The following RGSL1 variants were observed in gnomAD, a reference collection of about 807,000 sequenced individuals.
RGSL1 encodes the protein regulator of G protein signaling like 1.
RGSL1 carries 97 observed loss-of-function variants against 124.7 expected under a neutral mutation model. The observed-to-expected ratio is 0.78, with a 90% CI of 0.66 to 0.92. The LOEUF is 0.92. Ranked by LOEUF, RGSL1 falls within the 40% of genes least tolerant of loss-of-function variation. RGSL1 has a pLI of 0.00. For synonymous variants in RGSL1, 424 were observed against 438.1 expected, an observed-to-expected ratio of 0.97 and a Z score of 0.40; for missense variants, 1,233 against 1,288.4, an observed-to-expected ratio of 0.96 and a Z score of 0.66.
intron 14 of RGSL1, among the ~76,000 whole-genome samples, chr1:182,538,413 A>T (rs1659681590): frequency 6.6e-6 from 1 of 152,096 alleles, no homozygotes; most frequent in Admixed American, 6.5e-5. Flanking sequence ...CTGTAATCCC[A>T]GCTACTCAGG....
Position 182,488,289 on chromosome 1 carries a change from T to A in RGSL1, c.1436T>A (p.Leu479His), listed in dbSNP as rs1369553913. 2 of 1,552,228 alleles carry A rather than the reference T, an allele frequency of 1.3e-6. No individual in the cohort carries two copies. The highest frequency in any genetic ancestry group is 1.7e-6 in the Non-Finnish European group (2 of 1,147,086). ...PKAQKEICKM[L>H]SPWYDEFLDE... is the part of the protein sequence containing the mutation. The stretch of plus-strand genomic sequence containing the variant: ...TATGCTGTGTTTGGTTTTCAGATGC[T>A]CAGTCCCTGGTATGATGAGTTTCTA... The change falls in exon 7 of 22, where the codon CTC (leucine) becomes CAC (histidine). Residue 479 changes from leucine (L) to histidine (H), a missense_variant. Coordinates refer to ENST00000294854, the MANE Select transcript of RGSL1 (RefSeq NM_001137669.2).
intron 8 of RGSL1, among the ~76,000 whole-genome samples, chr1:182,492,219 G>A (rs185912909): frequency 3.9e-4 from 59 of 152,154 alleles, no homozygotes; most frequent in Non-Finnish European, 8.1e-4. Context: ...TGCATTTGTA[G>A]TTGTGGTCTC....
At chr1:182,515,562 C>CG (rs1558356317) in intron 9 of RGSL1, among the ~76,000 whole-genome samples, 1 of 20,104 alleles carries the variant, frequency 5.0e-5, no homozygotes, top group Admixed American at 5.0e-4. Flanking sequence ...AAGGGGGGGG[C>CG]GGGGTGGAGG....
In RGSL1 at chr1:182,527,672, C is replaced by G; in HGVS notation, c.2025C>G (p.Leu675=). The G allele has an allele frequency of 1.3e-6, 2 of 1,551,440 alleles. No homozygotes were observed. Among genetic ancestry groups the G allele is most frequent in the Non-Finnish European group, 1.7e-6 (2 of 1,146,704 alleles). Residue 675 remains leucine, a synonymous_variant, in exon 11 of 22, where the codon CTC becomes CTG. Coordinates refer to ENST00000294854, the MANE Select transcript of RGSL1 (RefSeq NM_001137669.2). ...ERKAKIPLQF[L]TAVQKISIET... Reference sequence around the variant, plus strand: ...AGGCTAAAATCCCATTGCAATTTCTCACAGCTGTACAGAAGATCAGTATAG... The same window carrying G: ...AGGCTAAAATCCCATTGCAATTTCTGACAGCTGTACAGAAGATCAGTATAG...
intron 4 of RGSL1, among the ~76,000 whole-genome samples, chr1:182,465,049 C>T (rs1653171032): frequency 6.8e-6 from 1 of 147,236 alleles, no homozygotes; most frequent in African/African-American, 2.7e-5. Context: ...TGCACTCCAG[C>T]CTAGGTAACA....
chr1:182,523,570 A>G (rs926498915), intron 10 of RGSL1, among the ~76,000 whole-genome samples: 2 of 152,214 alleles, frequency 1.3e-5, no homozygotes, highest in African/African-American at 2.4e-5. Context: ...TAAATCACAT[A>G]TCTGTAAGAT....
intron 6 of RGSL1, among the ~76,000 whole-genome samples, chr1:182,480,607 C>G (rs554464823): frequency 2.6e-5 from 4 of 152,158 alleles, no homozygotes; most frequent in South Asian, 2.1e-4. Context: ...AGGCGCCCAC[C>G]ACCATGCCCA....
At chr1:182,538,909 A>G (rs4571931) in intron 14 of RGSL1, among the ~76,000 whole-genome samples, 79,027 of 151,474 alleles carry the variant, frequency 0.52, 20,779 homozygotes, top group Non-Finnish European at 0.55. Flanking sequence ...AATAGTAGAT[A>G]CATTTGAAAT....
intron 9 of RGSL1, among the ~76,000 whole-genome samples, chr1:182,499,550 C>G (rs1656194749): frequency 6.6e-6 from 1 of 152,074 alleles, no homozygotes; most frequent in Non-Finnish European, 1.5e-5. Flanking sequence ...CATCTCTTTA[C>G]TTTGAGCCTG....
chr1:182,515,684 G>A (rs969296969), intron 9 of RGSL1, among the ~76,000 whole-genome samples: 1 of 152,178 alleles, frequency 6.6e-6, no homozygotes, highest in Non-Finnish European at 1.5e-5. Flanking sequence ...TGGCTCCGCC[G>A]GCACGGCAAA....
intron 9 of RGSL1, among the ~76,000 whole-genome samples, chr1:182,497,228 AAGATAGAT>A (rs66530449): frequency 1.6e-4 from 24 of 146,780 alleles, no homozygotes; most frequent in South Asian, 6.5e-4. Flanking sequence ...AAGAGATAGA[AAGATAGAT>A]AGATAGATAG....
At chr1:182,550,941 C>T (rs1660520837) in intron 17 of RGSL1, 159 bp from the exon 18 acceptor site, 9 of 611,748 alleles carry the variant, frequency 1.5e-5, no homozygotes. Flanking sequence ...GAACAAAGGC[C>T]ACTGGCAGGT....
rs1443693712 is a variant in RGSL1 at position 182,489,064 on chromosome 1, C to A, written c.1579C>A (p.Gln527Lys). 8.4e-6 allele frequency: 13 copies of A among 1,551,594 alleles called. No homozygotes were observed. The South Asian group carries it at 1.4e-4, about 17-fold the overall frequency. The change falls in exon 8 of 22, where the codon CAG becomes AAG. Residue 527 changes from glutamine (Q) to lysine (K), a missense_variant. Coordinates refer to ENST00000294854, the MANE Select transcript of RGSL1 (RefSeq NM_001137669.2). ...EENILLYKRI[Q>K]QSLELSQALA... The stretch of plus-strand genomic sequence containing the variant: ...GAACATTCTTCTTTATAAGAGGATT[C>A]AGCAGTCTCTAGAGTTAAGCCAGGC...
At chr1:182,538,732 C>T (rs1483259548) in intron 14 of RGSL1, among the ~76,000 whole-genome samples, 2 of 151,986 alleles carry the variant, frequency 1.3e-5, no homozygotes, top group Non-Finnish European at 2.9e-5. Flanking sequence ...ATGCCAACCC[C>T]GTACTTGTAA....
At chr1:182,501,782 C>T (rs925303147) in intron 9 of RGSL1, among the ~76,000 whole-genome samples, 26 of 152,136 alleles carry the variant, frequency 1.7e-4, no homozygotes, top group Admixed American at 2.0e-4. Flanking sequence ...AGTTAGGAAG[C>T]ATCTCCTCCT....
intron 3 of RGSL1, among the ~76,000 whole-genome samples, 167 bp from the exon 4 acceptor site, chr1:182,459,837 T>C (rs1652662134): frequency 6.6e-6 from 1 of 152,248 alleles, no homozygotes; most frequent in African/African-American, 2.4e-5. Context: ...TACTTCTTTT[T>C]CTTAAGTCCA....
chr1:182,510,694 G>C lies in RGSL1; in HGVS notation c.1826-11310G>C, dbSNP rs74751948. ...AGGGAGAGGGAGAGGGAGAGGGAGA[G>C]GGAGAGGGAGAGGCCTATTGACTAT... On this transcript the variant is annotated intron_variant, in intron 9 of 21. Coordinates refer to ENST00000294854, the MANE Select transcript of RGSL1 (RefSeq NM_001137669.2). Among the ~76,000 whole-genome samples, 6 of 10,670 alleles carry C rather than the reference G, an allele frequency of 5.6e-4. 2 individuals carry two copies. Among genetic ancestry groups the C allele is most frequent in the African/African-American group, 1.5e-3 (6 of 4,116 alleles). The allele number at this position is 10,670 out of a possible 152,430, so 7.0% of individuals were successfully genotyped here. A position where few individuals can be genotyped will look rare whatever the true frequency, so the allele number is the denominator to read the frequency against.
chr1:182,460,234 G>A lies in RGSL1; in HGVS notation c.301+101G>A, dbSNP rs544034161. The A allele has an allele frequency of 8.4e-4, 1,144 of 1,369,696 alleles. 7 individuals carry two copies. The highest frequency in any genetic ancestry group is 5.7e-3 in the Middle Eastern group (22 of 3,892). The allele number at this position is 1,369,696 out of a possible 1,614,324, so 84.8% of individuals were successfully genotyped here. A position where few individuals can be genotyped will look rare whatever the true frequency, so the allele number is the denominator to read the frequency against. ...ATAATAATCTTATGCCTGTATGTGT[G>A]TGTGTGTGTGTGTAGAAATATAGGA... On this transcript the variant is annotated intron_variant, in intron 4 of 21. Transcript: ENST00000294854.
At chr1:182,463,487 A>T (rs1429725912) in intron 4 of RGSL1, among the ~76,000 whole-genome samples, 3 of 152,166 alleles carry the variant, frequency 2.0e-5, no homozygotes, top group African/African-American at 7.2e-5. Flanking sequence ...AATAGTAACC[A>T]AAAGAAAGCA....
Sources: gnomAD v4.1 joint callset for allele counts (sites outside exome capture counted in the v4.1 genomes callset) on GRCh38, gnomAD v4.1.1 for gene constraint, MANE v1.5 for transcripts, NCBI Gene and HGNC (gene_info 2026-07-23, HGNC 2026-07-21) for gene names.